Variants in ULK4 observed in about 807,000 individuals in gnomAD.
ULK4 encodes the protein inactive serine/threonine-protein kinase ULK4.
ULK4 carries 133 observed loss-of-function variants against 160.6 expected under a neutral mutation model. That is an observed-to-expected ratio of 0.83 (90% CI 0.72 to 0.96). ULK4 has a LOEUF of 0.96. Ranked by LOEUF, ULK4 falls within the 40% of genes least tolerant of loss-of-function variation. The probability of loss-of-function intolerance (pLI) is 0.00; values close to 1 mark genes in which losing one functional copy is unlikely to be tolerated. For synonymous variants in ULK4, 534 were observed against 539.8 expected (o/e 0.99, Z 0.15); for missense variants, 1,580 against 1,499.5 (o/e 1.05, Z -0.89).
intron 30 of ULK4, among the ~76,000 whole-genome samples, chr3:41,643,777 T>C (rs2034349943): frequency 6.6e-6 from 1 of 152,204 alleles, no homozygotes; most frequent in Admixed American, 6.5e-5. Context: ...ATAAATTACC[T>C]TGGGCAGTAT....
intron 19 of ULK4, 67 bp downstream of exon 19, chr3:41,819,356 C>T (rs2041065598): frequency 6.8e-7 from 1 of 1,475,844 alleles, no homozygotes; most frequent in Admixed American, 2.0e-5. Context: ...AGGCTACAAT[C>T]CTCATACAGT....
intron 35 of ULK4, among the ~76,000 whole-genome samples, chr3:41,267,321 T>A (rs994220172): frequency 3.9e-5 from 6 of 152,206 alleles, no homozygotes; most frequent in African/African-American, 1.2e-4. Context: ...GCTTCATCCA[T>A]GTCCCTGCAA....
At chr3:41,324,063 C>T (rs2080297495) in intron 35 of ULK4, among the ~76,000 whole-genome samples, 1 of 152,158 alleles carries the variant, frequency 6.6e-6, no homozygotes, top group African/African-American at 2.4e-5. Flanking sequence ...TCAGCCCAAG[C>T]TCAGGGTTCT....
intron 32 of ULK4, among the ~76,000 whole-genome samples, chr3:41,537,064 C>G (rs2086527739): frequency 6.6e-6 from 1 of 152,206 alleles, no homozygotes; most frequent in Admixed American, 6.5e-5. Context: ...TCTTCTTCCT[C>G]ATCATCTGCC....
At chr3:41,369,220 C>G (rs9311273) in intron 35 of ULK4, among the ~76,000 whole-genome samples, 2 of 152,076 alleles carry the variant, frequency 1.3e-5, no homozygotes, top group South Asian at 2.1e-4. Flanking sequence ...CTTAGAGGCC[C>G]TGCATGGTGG....
chr3:41,259,108 A>G (rs1476808630), intron 35 of ULK4, among the ~76,000 whole-genome samples: 2 of 128,442 alleles, frequency 1.6e-5, no homozygotes, highest in Non-Finnish European at 3.0e-5. Flanking sequence ...ATGTATATGT[A>G]TATATGTGTA....
chr3:41,541,093 A>T (rs973349526), intron 32 of ULK4, among the ~76,000 whole-genome samples: 1 of 152,152 alleles, frequency 6.6e-6, no homozygotes. Flanking sequence ...TTTAGTCATG[A>T]AGTCTTTGCC....
At chr3:41,755,990 G>C (rs546508368) in intron 21 of ULK4, among the ~76,000 whole-genome samples, 1 of 152,128 alleles carries the variant, frequency 6.6e-6, no homozygotes, top group Non-Finnish European at 1.5e-5. Flanking sequence ...CACACAAAGT[G>C]AAAGAGATAA....
At chr3:41,395,471 T>A (rs2125811972) in intron 35 of ULK4, among the ~76,000 whole-genome samples, 1 of 152,252 alleles carries the variant, frequency 6.6e-6, no homozygotes, top group African/African-American at 2.4e-5. Context: ...TAGCACGTGC[T>A]ACATCATGAA....
chr3:41,312,668 A>C (rs1032640057), intron 35 of ULK4, among the ~76,000 whole-genome samples: 6 of 151,584 alleles, frequency 4.0e-5, no homozygotes, highest in South Asian at 2.1e-4. Flanking sequence ...AACAAACAAA[A>C]AAACATTAGC....
At chr3:41,773,315 GA>G (rs1343573570) in intron 21 of ULK4, among the ~76,000 whole-genome samples, 1 of 152,162 alleles carries the variant, frequency 6.6e-6, no homozygotes, top group Non-Finnish European at 1.5e-5. Flanking sequence ...TGTATATCTA[GA>G]AAACCCCATT....
intron 21 of ULK4, among the ~76,000 whole-genome samples, chr3:41,788,950 C>A (rs2040072367): frequency 6.6e-6 from 1 of 152,152 alleles, no homozygotes; most frequent in Admixed American, 6.5e-5. Flanking sequence ...AAAGTTCAAA[C>A]AAATCACCTA....
At chr3:41,608,170 A>G (rs765182261) in intron 31 of ULK4, among the ~76,000 whole-genome samples, 1 of 152,194 alleles carries the variant, frequency 6.6e-6, no homozygotes, top group African/African-American at 2.4e-5. Flanking sequence ...ACCCGGTAGA[A>G]CTATTTTACA....
chr3:41,436,669 C>A (rs535227433), intron 34 of ULK4, among the ~76,000 whole-genome samples: 1 of 152,280 alleles, frequency 6.6e-6, no homozygotes, highest in East Asian at 1.9e-4. Flanking sequence ...TAGGGGCCAA[C>A]TGCCCAAAAT....
chr3:41,872,508 G>T (rs1617271), intron 17 of ULK4, among the ~76,000 whole-genome samples: 47,392 of 152,034 alleles, frequency 0.31, 10,787 homozygotes, highest in African/African-American at 0.65. Context: ...TAAACTCTAT[G>T]CCCTTGGTGT....
chr3:41,777,917 T>C (rs1216627573), intron 21 of ULK4, among the ~76,000 whole-genome samples: 2 of 141,394 alleles, frequency 1.4e-5, no homozygotes, highest in South Asian at 2.2e-4. Context: ...CTTTGAAAAC[T>C]GGCACAAGAC....
At chr3:41,894,799 C>T (rs1698095068) in intron 16 of ULK4, among the ~76,000 whole-genome samples, 1 of 152,162 alleles carries the variant, frequency 6.6e-6, no homozygotes. Flanking sequence ...TTCCTTGTCC[C>T]ACCCACAGTC....
chr3:41,756,165 C>T (rs1011421300), intron 21 of ULK4, among the ~76,000 whole-genome samples: 4 of 152,198 alleles, frequency 2.6e-5, no homozygotes, highest in African/African-American at 9.7e-5. Flanking sequence ...TGAGTACCAT[C>T]CTTGACCCTT....
intron 31 of ULK4, among the ~76,000 whole-genome samples, chr3:41,568,590 C>T (rs1355167746): frequency 6.6e-6 from 1 of 152,172 alleles, no homozygotes; most frequent in Non-Finnish European, 1.5e-5. Flanking sequence ...CTCACTCATA[C>T]AAGCAACTAG....
Sources: allele counts gnomAD v4.1 joint callset (sites outside exome capture counted in the v4.1 genomes callset), GRCh38; gene constraint gnomAD v4.1.1; transcripts MANE v1.5; gene names NCBI Gene and HGNC (gene_info 2026-07-23, HGNC 2026-07-21).